GANC: variants seen among roughly 807,000 people sequenced by gnomAD.
The protein encoded by GANC is glucosidase alpha, neutral C.
A neutral mutation model predicts 124.2 loss-of-function variants in GANC; 117 were observed. That is an observed-to-expected ratio of 0.94 (90% CI 0.81 to 1.10). GANC has a LOEUF of 1.10. Ranked by LOEUF, GANC falls within the 50% of genes least tolerant of loss-of-function variation. The probability of loss-of-function intolerance (pLI) is 0.00; values close to 1 mark genes in which losing one functional copy is unlikely to be tolerated. For synonymous variants in GANC, 377 were observed against 376.8 expected, an observed-to-expected ratio of 1.00 and a Z score of -0.01; for missense variants, 1,140 against 1,095.0, an observed-to-expected ratio of 1.04 and a Z score of -0.58.
At chr15:42,336,874 G>A (rs8036380) in intron 15 of GANC, among the ~76,000 whole-genome samples, 38,806 of 152,038 alleles carry the variant, frequency 0.26, 6,789 homozygotes, top group African/African-American at 0.49. Context: ...CAACAAGCAT[G>A]TGAAAAAAAG....
rs2141041215 is a variant in GANC, at chr15:42,306,572, G to A, written c.585G>A (p.Trp195Ter). Reference sequence around the variant, plus strand: ...AAAATCAAGAAGATCTGGGCCTGTGGGAAGAGAAATTTGGAAAATTTGTGG... The same window carrying A: ...AAAATCAAGAAGATCTGGGCCTGTGAGAAGAGAAATTTGGAAAATTTGTGG... ...SQENQEDLGL[W>*]EEKFGKFVDI... Residue 195 changes from tryptophan to a stop codon, truncating the protein, a stop_gained, in exon 7 of 24, where the codon TGG becomes TGA. Transcript: ENST00000318010. LOFTEE classifies it high-confidence loss of function. 6.2e-7 allele frequency: 1 copy of A among 1,613,538 alleles called. No individual in the cohort carries two copies. The highest frequency in any genetic ancestry group is 1.7e-5 in the Admixed American group (1 of 59,930).
chr15:42,345,394 C>T (rs1360141601), intron 19 of GANC, among the ~76,000 whole-genome samples: 1 of 151,810 alleles, frequency 6.6e-6, no homozygotes, highest in Non-Finnish European at 1.5e-5. Context: ...CTACTAGAAG[C>T]ATTAAGTTTT....
rs546658653 is a variant in GANC at position 42,352,468 on chromosome 15, C to T, written c.*329C>T. On this transcript the variant is annotated 3_prime_UTR_variant, in exon 24 of 24. Coordinates refer to ENST00000318010, the MANE Select transcript of GANC (RefSeq NM_198141.3). ...TGGGTCTGTTTTAACGTGGGCCAAG[C>T]CTACCTGGGCAGCCCATTTGCCAGG... 1.9e-6 allele frequency: 2 copies of T among 1,051,286 alleles called. No homozygotes were observed. Among genetic ancestry groups the T allele is most frequent in the Admixed American group, 4.9e-5 (1 of 20,554 alleles). The allele number at this position is 1,051,286 out of a possible 1,614,324, so 65.1% of individuals were successfully genotyped here.
At chr15:42,347,083 G>C (rs184381831) in intron 20 of GANC, among the ~76,000 whole-genome samples, 8 of 151,986 alleles carry the variant, frequency 5.3e-5, no homozygotes, top group Non-Finnish European at 1.2e-4. Context: ...GCAAACTTGT[G>C]GCAGAATTGA....
chr15:42,330,412 A>G (rs1212210004), intron 14 of GANC, among the ~76,000 whole-genome samples, 164 bp from the exon 15 acceptor site: 1 of 152,256 alleles, frequency 6.6e-6, no homozygotes, highest in Non-Finnish European at 1.5e-5. Flanking sequence ...AGGGGAATTT[A>G]GAGTAATTTC....
intron 3 of GANC, among the ~76,000 whole-genome samples, chr15:42,282,922 G>A (rs2051748060): frequency 6.6e-6 from 1 of 152,124 alleles, no homozygotes; most frequent in South Asian, 2.1e-4. Flanking sequence ...CTCGCATAGT[G>A]GAGAGAGAGT....
chr15:42,297,013 G>A (rs1309400964), intron 5 of GANC, among the ~76,000 whole-genome samples: 1 of 152,076 alleles, frequency 6.6e-6, no homozygotes, highest in Non-Finnish European at 1.5e-5. Context: ...GTCCAGCAAT[G>A]TTAAGAATGT....
rs772097328 is a variant in GANC, at chr15:42,330,530, A to G, written c.1645-46A>G. On this transcript the variant is annotated intron_variant, in intron 14 of 23. Transcript: ENST00000318010. ...TAGATAGCTTATTGGGGATGTCTGT[A>G]CAAATCCAATCATCTCTTTGAAATT... 7.1e-6 allele frequency: 10 copies of G among 1,408,224 alleles called. No individual in the cohort carries two copies. The South Asian group carries it at 1.0e-4, about 15-fold the overall frequency. The allele number at this position is 1,408,224 out of a possible 1,614,324, so 87.2% of individuals were successfully genotyped here.
intron 15 of GANC, among the ~76,000 whole-genome samples, chr15:42,335,213 T>C (rs1259019341): frequency 2.6e-5 from 4 of 152,104 alleles, no homozygotes; most frequent in African/African-American, 9.7e-5. Context: ...GCAAAAATCC[T>C]CAACAAAATA....
intron 19 of GANC, 28 bp downstream of exon 19, chr15:42,343,182 A>G: frequency 6.4e-7 from 1 of 1,559,832 alleles, no homozygotes; most frequent in Non-Finnish European, 8.8e-7. Flanking sequence ...CACATATCTG[A>G]TATGTCTCAT....
At chr15:42,310,903 T>C in intron 10 of GANC, 57 bp downstream of exon 10, 1 of 1,553,330 alleles carries the variant, frequency 6.4e-7, no homozygotes, top group Non-Finnish European at 8.9e-7. Flanking sequence ...ATGTCCCATG[T>C]GTCATCACGG....
Position 42,273,531 on chromosome 15 carries a change from T to C in GANC, c.-951T>C. 2 of 1,436,310 alleles carry C rather than the reference T, an allele frequency of 1.4e-6. No individual in the cohort carries two copies. The highest frequency in any genetic ancestry group is 1.9e-6 in the Non-Finnish European group (2 of 1,079,558). The allele number at this position is 1,436,310 out of a possible 1,614,324, so 89.0% of individuals were successfully genotyped here. On this transcript the variant is annotated 5_prime_UTR_variant, in exon 1 of 24. Coordinates refer to ENST00000318010, the MANE Select transcript of GANC (RefSeq NM_198141.3). ...CGCGGAGCTTGTTTGCTGTGCGGCGTAGCGGCCCCTCTCTCAGACAGTCGT... is the reference window on the plus strand; with the variant it reads ...CGCGGAGCTTGTTTGCTGTGCGGCGCAGCGGCCCCTCTCTCAGACAGTCGT...
chr15:42,353,360 C>T lies in GANC; in HGVS notation c.*1221C>T. 7.1e-6 allele frequency: 7 copies of T among 986,034 alleles called. No homozygotes were observed. Among genetic ancestry groups the T allele is most frequent in the Non-Finnish European group, 8.4e-6 (7 of 830,000 alleles). 61.1% of individuals were successfully genotyped at this position (986,034 alleles called of 1,614,324 possible). On this transcript the variant is annotated 3_prime_UTR_variant, in exon 24 of 24. Transcript: ENST00000318010. ...GCCCTTACCATCCTTCCAGGCCCAA[C>T]TTAAATCCCACTTTCCCATGAAGCC...
At chr15:42,307,893 A>G (rs905815011) in intron 7 of GANC, among the ~76,000 whole-genome samples, 5 of 152,176 alleles carry the variant, frequency 3.3e-5, no homozygotes, top group African/African-American at 1.2e-4. Flanking sequence ...GATAAGGAAA[A>G]TTTCGATTAG....
In GANC at chr15:42,278,537, G is replaced by A; in HGVS notation, c.148G>A (p.Val50Ile). The A allele has an allele frequency of 6.2e-7, 1 of 1,613,322 alleles. No individual in the cohort carries two copies. The highest frequency in any genetic ancestry group is 8.5e-7 in the Non-Finnish European group (1 of 1,179,584). The change falls in exon 3 of 24, where the codon GTC becomes ATC. Residue 50 changes from valine (V) to isoleucine (I), a missense_variant. By Grantham distance (29) the Val-to-Ile change is conservative (BLOSUM62 3). Coordinates refer to ENST00000318010, the MANE Select transcript of GANC (RefSeq NM_198141.3). ...CACCTATCAGGCATTATTGGATTCA[G>A]TCACAACAGATGAAGACAGCACCAG... is the stretch of plus-strand genomic sequence containing the variant. ...KSTYQALLDS[V>I]TTDEDSTRFQ...
At chr15:42,286,072 C>A (rs1595763848) in intron 3 of GANC, among the ~76,000 whole-genome samples, 1 of 150,378 alleles carries the variant, frequency 6.6e-6, no homozygotes, top group Middle Eastern at 3.4e-3. Flanking sequence ...GAGTGAATAA[C>A]TAAATGTAAA....
At chr15:42,313,753 C>T in intron 10 of GANC, 2 of 326,580 alleles carry the variant, frequency 6.1e-6, no homozygotes, top group East Asian at 7.3e-5. Context: ...GAACAGTGCT[C>T]CAACATCAGT....
Position 42,308,332 on chromosome 15 carries a change from A to G in GANC, c.722+14A>G, listed in dbSNP as rs1264928588. ...TAAAAATACTGGGTAAGTGAAAACA[A>G]GAATTCTTATGGGAGTCTCTGGTTT... On this transcript the variant is annotated intron_variant, in intron 8 of 23. Transcript: ENST00000318010. The G allele has an allele frequency of 1.3e-6, 2 of 1,538,202 alleles. No homozygotes were observed.
At chr15:42,323,478 G>A (rs754471620) in intron 11 of GANC, among the ~76,000 whole-genome samples, 2 of 150,140 alleles carry the variant, frequency 1.3e-5, no homozygotes. Flanking sequence ...TTCCAGAGGT[G>A]CATTTTATTT....
Sources: gnomAD v4.1 joint callset for allele counts (sites outside exome capture counted in the v4.1 genomes callset) on GRCh38, gnomAD v4.1.1 for gene constraint, MANE v1.5 for transcripts, NCBI Gene and HGNC (gene_info 2026-07-23, HGNC 2026-07-21) for gene names.